Variants in GRK5 observed in about 807,000 individuals in gnomAD.
The protein encoded by GRK5 is G protein-coupled receptor kinase 5.
In GRK5, 40 loss-of-function variants were observed where a neutral mutation model predicts 78.4. The ratio of observed to expected loss-of-function variants is 0.51; its 90% CI spans 0.40 to 0.66. The LOEUF (loss-of-function observed/expected upper bound fraction) is 0.66, where lower values mean the gene tolerates loss of function less well. GRK5 is among the 30% of genes least tolerant of loss of function. The probability of loss-of-function intolerance (pLI) is 0.00; values close to 1 mark genes in which losing one functional copy is unlikely to be tolerated. For synonymous variants in GRK5, 289 were observed against 296.8 expected, an observed-to-expected ratio of 0.97 and a Z score of 0.27; for missense variants, 598 against 759.9, an observed-to-expected ratio of 0.79 and a Z score of 2.50.
At chr10:119,366,956 T>G (rs1851460062) in intron 2 of GRK5, among the ~76,000 whole-genome samples, 1 of 152,226 alleles carries the variant, frequency 6.6e-6, no homozygotes, top group African/African-American at 2.4e-5. Context: ...GTGTCTCGAT[T>G]TTAGGCATCT....
intron 1 of GRK5, among the ~76,000 whole-genome samples, chr10:119,280,502 C>T (rs1849745660): frequency 1.3e-5 from 2 of 152,218 alleles, no homozygotes; most frequent in Non-Finnish European, 2.9e-5. Context: ...GTCATTCGTC[C>T]TCCCATCTCT....
In GRK5 at chr10:119,442,094, T is replaced by G; in HGVS notation, c.1057+6T>G. On this transcript the variant is annotated splice_donor_region_variant and intron_variant, in intron 11 of 15. Coordinates refer to ENST00000392870, the MANE Select transcript of GRK5 (RefSeq NM_005308.3). The stretch of plus-strand genomic sequence containing the variant: ...GGGCACTGTTGGCTACATGGGTGAG[T>G]GCTGGGCTGCCTGTGTCAATGCACC... 1 of 1,612,496 alleles carries G rather than the reference T, an allele frequency of 6.2e-7. No homozygotes were observed. Among genetic ancestry groups the G allele is most frequent in the Non-Finnish European group, 8.5e-7 (1 of 1,178,754 alleles).
intron 4 of GRK5, among the ~76,000 whole-genome samples, chr10:119,408,654 T>C (rs954912557): frequency 2.6e-5 from 4 of 152,028 alleles, no homozygotes; most frequent in African/African-American, 9.7e-5. Flanking sequence ...GACAAATCCA[T>C]AGAGGCAGAA....
intron 1 of GRK5, among the ~76,000 whole-genome samples, chr10:119,255,104 G>A (rs1292253309): frequency 1.3e-5 from 2 of 151,732 alleles, no homozygotes; most frequent in Non-Finnish European, 2.9e-5. Flanking sequence ...TGTATGCGCA[G>A]GTAAGGTCGT....
chr10:119,394,300 G>GTGTGTGGGCGTGTGTGTGGGTGTGTA (rs1851966501), intron 3 of GRK5, among the ~76,000 whole-genome samples: 3 of 9,414 alleles, frequency 3.2e-4, no homozygotes, highest in Admixed American at 7.5e-4. Context: ...GTATCTGTGT[G>GTGTGTGGGCGTGTGTGTGGGTGTGTA]TCTGTGTGGG....
chr10:119,428,476 C>T (rs538995754), intron 6 of GRK5, among the ~76,000 whole-genome samples: 24 of 152,312 alleles, frequency 1.6e-4, no homozygotes, highest in Non-Finnish European at 3.4e-4. Context: ...TTACAAAGAG[C>T]CCTCCACTGG....
At chr10:119,325,855 G>C (rs1850667340) in intron 1 of GRK5, among the ~76,000 whole-genome samples, 1 of 152,252 alleles carries the variant, frequency 6.6e-6, no homozygotes, top group Non-Finnish European at 1.5e-5. Context: ...TTCATTACTA[G>C]TGCACATTCA....
intron 15 of GRK5, among the ~76,000 whole-genome samples, 183 bp from the exon 16 acceptor site, chr10:119,454,786 C>T (rs78736891): frequency 0.023 from 3,567 of 152,258 alleles, 70 homozygotes; most frequent in Middle Eastern, 0.096. Context: ...TCTGTTAATT[C>T]CATAGCTCTT....
intron 4 of GRK5, among the ~76,000 whole-genome samples, chr10:119,403,745 T>C (rs565422275): frequency 1.2e-3 from 180 of 152,246 alleles, no homozygotes; most frequent in African/African-American, 4.0e-3. Context: ...GTGATCCTCC[T>C]GCCACCGCCT....
Position 119,425,266 on chromosome 10 carries a change from CAT to C in GRK5, c.533+183_533+184del, listed in dbSNP as rs1852654308. The stretch of plus-strand genomic sequence containing the variant: ...CTGTATGCTTATTCAAGCACACACA[CAT>C]ACACACACACACACACACACACACA... On this transcript the variant is annotated intron_variant, in intron 6 of 15. Transcript: ENST00000392870. Among the ~76,000 whole-genome samples the C allele has an allele frequency of 1.0e-4, 12 of 114,316 alleles. 2 individuals are homozygous for C. The South Asian group carries it at 3.4e-3, about 33-fold the overall frequency. 75.0% of individuals were successfully genotyped at this position (114,316 alleles called of 152,430 possible).
chr10:119,233,855 C>G (rs1848874865), intron 1 of GRK5, among the ~76,000 whole-genome samples: 1 of 152,162 alleles, frequency 6.6e-6, no homozygotes, highest in Non-Finnish European at 1.5e-5. Context: ...CTTAACCTGG[C>G]TGCCCTTGTG....
At position 119,321,273 on chromosome 10, in the gene GRK5, T is replaced by C. The variant is rs181175065; in HGVS notation, c.53-5243T>C. 7.0e-4 allele frequency among the ~76,000 whole-genome samples: 107 copies of C among 152,312 alleles called. 1 individual carries two copies. The highest frequency in any genetic ancestry group is 6.8e-3 in the Middle Eastern group (2 of 294). On this transcript the variant is annotated intron_variant, in intron 1 of 15. Coordinates refer to ENST00000392870, the MANE Select transcript of GRK5 (RefSeq NM_005308.3). ...TTAGGGGGATCCCCTGCTGAGAACA[T>C]CCTCGTATTAGCTTCCTGTTGCTGC...
intron 1 of GRK5, among the ~76,000 whole-genome samples, chr10:119,225,032 G>A (rs1254957025): frequency 6.6e-6 from 1 of 152,074 alleles, no homozygotes; most frequent in Non-Finnish European, 1.5e-5. Flanking sequence ...TGAAGAGCAG[G>A]CATTACACAT....
chr10:119,307,728 A>G (rs1850295377), intron 1 of GRK5, among the ~76,000 whole-genome samples: 1 of 151,758 alleles, frequency 6.6e-6, no homozygotes, highest in African/African-American at 2.4e-5. Flanking sequence ...TTACTGAAGC[A>G]AGAGGAAACT....
chr10:119,418,555 G>T (rs1367949628), intron 4 of GRK5, among the ~76,000 whole-genome samples: 3 of 152,218 alleles, frequency 2.0e-5, no homozygotes, highest in Non-Finnish European at 4.4e-5. Context: ...GGATAGCTGG[G>T]TGTCACCCTG....
intron 2 of GRK5, among the ~76,000 whole-genome samples, chr10:119,342,416 C>T (rs1195728538): frequency 1.3e-5 from 2 of 152,194 alleles, no homozygotes; most frequent in African/African-American, 4.8e-5. Context: ...ATTAGATTTC[C>T]CTGAACCTCA....
Position 119,430,556 on chromosome 10 carries a change from A to T in GRK5, c.597+118A>T. The T allele has an allele frequency of 1.2e-6, 1 of 802,780 alleles. No individual in the cohort carries two copies. The highest frequency in any genetic ancestry group is 2.0e-6 in the Non-Finnish European group (1 of 494,306). The allele number at this position is 802,780 out of a possible 1,614,324, so 49.7% of individuals were successfully genotyped here. On this transcript the variant is annotated intron_variant, in intron 7 of 15. Transcript: ENST00000392870. This position sits in a 1 kb window ranked among gnomAD's most constrained non-coding sequence, Gnocchi z 4.5. The stretch of plus-strand genomic sequence containing the variant: ...GTCCCCCGGGGGCACCAGTGGCTCA[A>T]TGTGGGCCCCGGGGGCAGTGAGGGT...
At chr10:119,358,084 C>G (rs1189836674) in intron 2 of GRK5, among the ~76,000 whole-genome samples, 4 of 152,172 alleles carry the variant, frequency 2.6e-5, no homozygotes, top group Non-Finnish European at 5.9e-5. Flanking sequence ...CCCCTTGTTT[C>G]TAAGGCCCCG....
At chr10:119,427,209 C>T (rs1390292167) in intron 6 of GRK5, among the ~76,000 whole-genome samples, 5 of 150,590 alleles carry the variant, frequency 3.3e-5, no homozygotes, top group Admixed American at 1.3e-4. Context: ...CCGCCATCAA[C>T]AGCATCACTG....
Sources: allele counts gnomAD v4.1 joint callset (sites outside exome capture counted in the v4.1 genomes callset), GRCh38; gene constraint gnomAD v4.1.1; non-coding constraint Gnocchi (gnomAD v3.1); transcripts MANE v1.5; gene names NCBI Gene and HGNC (gene_info 2026-07-23, HGNC 2026-07-21).